Variants in PPP2R3C observed in about 807,000 individuals in gnomAD.
PPP2R3C encodes the protein protein phosphatase 2 regulatory subunit B''gamma.
PPP2R3C carries 47 observed loss-of-function variants against 63.7 expected under a neutral mutation model. The observed-to-expected ratio is 0.74, with a 90% CI of 0.58 to 0.94. The LOEUF (loss-of-function observed/expected upper bound fraction) is 0.94. PPP2R3C is among the 40% of genes least tolerant of loss of function. The pLI, the probability that PPP2R3C is intolerant of heterozygous loss-of-function variation, is 0.00. For missense variants in PPP2R3C, 421 were observed against 518.4 expected (o/e 0.81, Z 1.82); for synonymous variants, 180 against 177.4 (o/e 1.01, Z -0.12).
In PPP2R3C at chr14:35,085,678, AT is replaced by A; in HGVS notation, c.1273del (p.Ile425SerfsTer3). The A allele has an allele frequency of 1.2e-6, 2 of 1,613,498 alleles. No individual in the cohort carries two copies. Among genetic ancestry groups the A allele is most frequent in the Non-Finnish European group, 8.5e-7 (1 of 1,179,478 alleles). On this transcript the variant is annotated frameshift_variant, in exon 13 of 13. Transcript: ENST00000261475. LOFTEE classifies it high-confidence loss of function. Reference protein sequence around the residue: ...NQGDTVTTILIDLNGFWTYEN... With the variant: ...NQGDTVTTILXDLNGFWTYEN... ...GTAAGTCCAGAAGCCATTCAAATCGATTAGAATGGTGGTTACTGTGTCTCCT... is the reference window on the plus strand; with the variant it reads ...GTAAGTCCAGAAGCCATTCAAATCGATAGAATGGTGGTTACTGTGTCTCCT...
intron 6 of PPP2R3C, among the ~76,000 whole-genome samples, chr14:35,103,437 T>C (rs371920964): frequency 3.9e-5 from 6 of 152,218 alleles, no homozygotes; most frequent in Admixed American, 3.9e-4. Flanking sequence ...CCTTCCAGCC[T>C]ACCTAAAATC....
intron 2 of PPP2R3C, among the ~76,000 whole-genome samples, chr14:35,111,295 A>T (rs1000954796): frequency 1.3e-5 from 2 of 151,428 alleles, no homozygotes; most frequent in African/African-American, 4.8e-5. Flanking sequence ...TTAACTGGAG[A>T]TTGACAATTT....
At chr14:35,103,370 C>T (rs2046255835) in intron 6 of PPP2R3C, among the ~76,000 whole-genome samples, 2 of 152,310 alleles carry the variant, frequency 1.3e-5, no homozygotes, top group South Asian at 4.1e-4. Flanking sequence ...CTTCATAAGG[C>T]TGGCTTCTTT....
intron 6 of PPP2R3C, among the ~76,000 whole-genome samples, chr14:35,103,666 G>A (rs2046261781): frequency 6.6e-6 from 1 of 151,752 alleles, no homozygotes; most frequent in South Asian, 2.1e-4. Flanking sequence ...ACAGAAATCT[G>A]GGCAAGAAAA....
At chr14:35,091,708 A>T (rs2045823282) in intron 10 of PPP2R3C, among the ~76,000 whole-genome samples, 1 of 151,406 alleles carries the variant, frequency 6.6e-6, no homozygotes, top group Non-Finnish European at 1.5e-5. Flanking sequence ...AGTTTTGAGG[A>T]CATAGTTCTT....
At chr14:35,103,156 G>C (rs2138663709) in intron 6 of PPP2R3C, among the ~76,000 whole-genome samples, 1 of 152,268 alleles carries the variant, frequency 6.6e-6, no homozygotes, top group African/African-American at 2.4e-5. Flanking sequence ...ACTTCCGATG[G>C]TTTCCCGTTA....
At chr14:35,103,323 T>C (rs1213437066) in intron 6 of PPP2R3C, among the ~76,000 whole-genome samples, 1 of 152,184 alleles carries the variant, frequency 6.6e-6, no homozygotes, top group Non-Finnish European at 1.5e-5. Context: ...AATTTTGCCT[T>C]GGAGACACTG....
At chr14:35,105,801 G>T (rs1315393560) in intron 6 of PPP2R3C, among the ~76,000 whole-genome samples, 1 of 152,040 alleles carries the variant, frequency 6.6e-6, no homozygotes, top group Non-Finnish European at 1.5e-5. Flanking sequence ...ATGTCTCTAT[G>T]TGAATATGGA....
rs1184240806 is a variant in PPP2R3C, at chr14:35,085,929, C to T, written c.1174-151G>A. On this transcript the variant is annotated intron_variant, in intron 12 of 12. Coordinates refer to ENST00000261475, the MANE Select transcript of PPP2R3C (RefSeq NM_017917.4). ...GGGCTTATGTTAATTTTTTGTTCTACTTTTTTTCTTTTCCATTTAACAGGC... is the reference window on the plus strand; with the variant it reads ...GGGCTTATGTTAATTTTTTGTTCTATTTTTTTTCTTTTCCATTTAACAGGC... 8.0e-6 allele frequency: 5 copies of T among 621,232 alleles called. No individual in the cohort carries two copies. The East Asian group carries it at 9.0e-5, about 11-fold the overall frequency. The allele number at this position is 621,232 out of a possible 1,614,324, so 38.5% of individuals were successfully genotyped here.
chr14:35,114,060 A>C (rs1341036991), intron 2 of PPP2R3C, among the ~76,000 whole-genome samples: 1 of 152,200 alleles, frequency 6.6e-6, no homozygotes, highest in African/African-American at 2.4e-5. Context: ...CACTCAATAA[A>C]TGTCAATTCC....
chr14:35,092,407 T>C (rs116812220), intron 10 of PPP2R3C, among the ~76,000 whole-genome samples: 5 of 152,066 alleles, frequency 3.3e-5, no homozygotes, highest in Non-Finnish European at 5.9e-5. Context: ...TATAAACTTA[T>C]AACTTCATTT....
At chr14:35,108,499 C>T (rs1421054478) in intron 4 of PPP2R3C, among the ~76,000 whole-genome samples, 1 of 150,772 alleles carries the variant, frequency 6.6e-6, no homozygotes, top group African/African-American at 2.4e-5. Context: ...GTCAAGAGAT[C>T]GAGACCATTT....
chr14:35,108,773 A>G (rs1439590272), intron 4 of PPP2R3C, among the ~76,000 whole-genome samples: 1 of 151,890 alleles, frequency 6.6e-6, no homozygotes, highest in Admixed American at 6.6e-5. Context: ...CATCTCAAAA[A>G]AAAAGATAAA....
intron 9 of PPP2R3C, among the ~76,000 whole-genome samples, chr14:35,095,566 G>C (rs757384398): frequency 6.6e-6 from 1 of 151,972 alleles, no homozygotes; most frequent in Non-Finnish European, 1.5e-5. Context: ...GAGGTCGGGC[G>C]TGGTGGCTCA....
At chr14:35,093,811 C>G (rs1277426821) in intron 10 of PPP2R3C, among the ~76,000 whole-genome samples, 1 of 152,082 alleles carries the variant, frequency 6.6e-6, no homozygotes, top group Non-Finnish European at 1.5e-5. Context: ...GTCACCGCAC[C>G]CAGCTAATTT....
At chr14:35,098,684 G>A (rs913367371) in intron 7 of PPP2R3C, 1 of 152,294 alleles carries the variant, frequency 6.6e-6, no homozygotes, top group African/African-American at 2.4e-5. Flanking sequence ...GGACAATCAG[G>A]CACTTTGATT....
chr14:35,085,832 CAT>C (rs1386423851), intron 12 of PPP2R3C, 54 bp from the exon 13 acceptor site: 4 of 1,414,044 alleles, frequency 2.8e-6, no homozygotes, highest in Non-Finnish European at 3.8e-6. Flanking sequence ...TTCTATCACA[CAT>C]AGTGATCCAA....
At chr14:35,097,642 C>T (rs2046040950) in intron 7 of PPP2R3C, among the ~76,000 whole-genome samples, 1 of 152,024 alleles carries the variant, frequency 6.6e-6, no homozygotes, top group African/African-American at 2.4e-5. Context: ...ACCACCACAT[C>T]CAGCTAATTT....
chr14:35,093,156 T>TGAGCC (rs577837514), intron 10 of PPP2R3C, among the ~76,000 whole-genome samples: 92 of 152,056 alleles, frequency 6.1e-4, no homozygotes, highest in African/African-American at 2.1e-3. Context: ...GAGCTTGCAG[T>TGAGCC]GAGCCGAGAT....
Sources: gnomAD v4.1 joint callset for allele counts (sites outside exome capture counted in the v4.1 genomes callset) on GRCh38, gnomAD v4.1.1 for gene constraint, MANE v1.5 for transcripts, NCBI Gene and HGNC (gene_info 2026-07-23, HGNC 2026-07-21) for gene names.